HLF: variants seen among roughly 807,000 people sequenced by gnomAD.
The protein encoded by HLF is hepatic leukemia factor.
A neutral mutation model predicts 22.6 loss-of-function variants in HLF; 3 were observed. That is an observed-to-expected ratio of 0.13 (90% CI 0.06 to 0.34). HLF has a LOEUF of 0.34. Ranked by LOEUF, HLF falls within the 10% of genes least tolerant of loss-of-function variation. The pLI is 1.00. For missense variants in HLF, 299 were observed against 389.2 expected, an observed-to-expected ratio of 0.77 and a Z score of 1.95; for synonymous variants, 151 against 151.8, an observed-to-expected ratio of 0.99 and a Z score of 0.04.
chr17:55,288,826 T>A, intron 2 of HLF: 2 of 518,686 alleles, frequency 3.9e-6, no homozygotes, highest in Non-Finnish European at 5.0e-6. Context: ...AGGATTTAGA[T>A]GCTTACAAAT....
chr17:55,294,303 T>C (rs542342531), intron 2 of HLF, among the ~76,000 whole-genome samples: 3 of 152,228 alleles, frequency 2.0e-5, no homozygotes, highest in Non-Finnish European at 4.4e-5. Flanking sequence ...GATTTTCTCC[T>C]TCGACCATGG....
chr17:55,320,755 T>G lies in HLF; in HGVS notation c.764T>G (p.Ile255Ser), dbSNP rs1905237317. ...ARRLKENQIA[I>S]RASFLEKENS... ...AGGCTGAAAGAGAACCAGATCGCCA[T>G]CCGGGCCTCGTTCCTGGAGAAGGAG... Residue 255 changes from isoleucine to serine, a missense_variant, in exon 4 of 4, where the codon ATC (isoleucine) becomes AGC (serine). Coordinates refer to ENST00000226067, the MANE Select transcript of HLF (RefSeq NM_002126.5). The surrounding 1 kb of genome is among the most constrained non-coding windows in gnomAD (Gnocchi z 4.2). 6.2e-7 allele frequency: 1 copy of G among 1,613,922 alleles called. No homozygotes were observed. The highest frequency in any genetic ancestry group is 1.3e-5 in the African/African-American group (1 of 74,942).
At position 55,324,815 on chromosome 17, in the gene HLF, ATGTGTGTG is replaced by A. The variant is rs371358640; in HGVS notation, c.*3944_*3951del. 5.1e-6 allele frequency: 1 copy of A among 196,564 alleles called. No individual in the cohort carries two copies. The highest frequency in any genetic ancestry group is 6.3e-5 in the Admixed American group (1 of 15,942). The allele number at this position is 196,564 out of a possible 1,614,324, so 12.2% of individuals were successfully genotyped here. On this transcript the variant is annotated 3_prime_UTR_variant, in exon 4 of 4. Transcript: ENST00000226067. ...AGTGTGTGTGTGTGTGTGTGCGTGC[ATGTGTGTG>A]TGTGTGTATGTGTGTGAATAAGTCG...
intron 2 of HLF, among the ~76,000 whole-genome samples, chr17:55,305,840 G>T (rs1026759875): frequency 6.6e-6 from 1 of 152,310 alleles, no homozygotes; most frequent in Admixed American, 6.5e-5. Flanking sequence ...TGGGGCATTC[G>T]CATGAAAAAG....
intron 2 of HLF, among the ~76,000 whole-genome samples, chr17:55,270,205 C>T (rs2080839319): frequency 6.6e-6 from 1 of 152,200 alleles, no homozygotes; most frequent in African/African-American, 2.4e-5. Flanking sequence ...TCAAAGGGAA[C>T]ACTGAGGGTC....
chr17:55,305,834 G>A (rs1191247484), intron 2 of HLF, among the ~76,000 whole-genome samples: 4 of 152,186 alleles, frequency 2.6e-5, no homozygotes, highest in South Asian at 4.1e-4. Flanking sequence ...CATTCCTGGG[G>A]CATTCGCATG....
At chr17:55,319,587 G>A (rs1194223879) in intron 3 of HLF, among the ~76,000 whole-genome samples, 1 of 152,138 alleles carries the variant, frequency 6.6e-6, no homozygotes, top group African/African-American at 2.4e-5. Flanking sequence ...AGGAGGGATT[G>A]TTTTTACACT....
Position 55,320,241 on chromosome 17 carries a change from C to T in HLF, c.673-423C>T, listed in dbSNP as rs1329041651. ...CATTTAAATAGTTGATAGATATTGC[C>T]AAATTGCCTTCTAAAATTTTTGTAC... is the stretch of plus-strand genomic sequence containing the variant. On this transcript the variant is annotated intron_variant, in intron 3 of 3. Transcript: ENST00000226067. This position sits in a 1 kb window ranked among gnomAD's most constrained non-coding sequence, Gnocchi z 4.2. Among the ~76,000 whole-genome samples, 3 of 152,116 alleles carry T rather than the reference C, an allele frequency of 2.0e-5. No individual in the cohort carries two copies. The highest frequency in any genetic ancestry group is 4.4e-5 in the Non-Finnish European group (3 of 68,018).
chr17:55,292,549 AC>A (rs1409343085), intron 2 of HLF, among the ~76,000 whole-genome samples: 5 of 152,070 alleles, frequency 3.3e-5, no homozygotes, highest in African/African-American at 1.2e-4. Context: ...GCACTGGGAA[AC>A]CAAAAAAAAA....
At position 55,265,171 on chromosome 17, in the gene HLF, C is replaced by A. The variant is rs1301567056; in HGVS notation, c.-314C>A. On this transcript the variant is annotated 5_prime_UTR_variant, in exon 1 of 4. Transcript: ENST00000226067. ...GACATTTTTTTTTCTTTCTTTTTTT[C>A]AATTTTGAACATTTTGCAAAACGAG... The A allele has an allele frequency of 8.3e-6, 2 of 241,938 alleles. No individual in the cohort carries two copies. The highest frequency in any genetic ancestry group is 1.6e-5 in the Non-Finnish European group (2 of 125,804). The allele number at this position is 241,938 out of a possible 1,614,324, so 15.0% of individuals were successfully genotyped here.
chr17:55,292,622 A>G (rs917583937), intron 2 of HLF, among the ~76,000 whole-genome samples: 1 of 152,206 alleles, frequency 6.6e-6, no homozygotes, highest in Non-Finnish European at 1.5e-5. Flanking sequence ...CCGGTCCTGC[A>G]ATATCTGTGA....
At chr17:55,287,033 A>G (rs1415214359) in intron 2 of HLF, among the ~76,000 whole-genome samples, 2 of 152,308 alleles carry the variant, frequency 1.3e-5, no homozygotes, top group African/African-American at 4.8e-5. Context: ...TTTAAAAATA[A>G]TGCCAAGTTC....
At position 55,320,130 on chromosome 17, in the gene HLF, A is replaced by G. The variant is rs1905215233; in HGVS notation, c.673-534A>G. Among the ~76,000 whole-genome samples, 1 of 152,212 alleles carries G rather than the reference A, an allele frequency of 6.6e-6. No homozygotes were observed. Among genetic ancestry groups the G allele is most frequent in the Non-Finnish European group, 1.5e-5 (1 of 68,040 alleles). On this transcript the variant is annotated intron_variant, in intron 3 of 3. Transcript: ENST00000226067. This position sits in a 1 kb window ranked among gnomAD's most constrained non-coding sequence, Gnocchi z 4.2. Reference sequence around the variant, plus strand: ...TACTGCACATAATGCTGCAGTGAACAGTTTATGCTTGTGTGTACATGCACA... The same window carrying G: ...TACTGCACATAATGCTGCAGTGAACGGTTTATGCTTGTGTGTACATGCACA...
At chr17:55,283,468 C>T (rs894097266) in intron 2 of HLF, 1 of 152,242 alleles carries the variant, frequency 6.6e-6, no homozygotes, top group Non-Finnish European at 1.5e-5. Flanking sequence ...TTGGAAGATC[C>T]TTTAGTAGTT....
At chr17:55,307,123 G>A (rs1365607721) in intron 2 of HLF, among the ~76,000 whole-genome samples, 1 of 144,078 alleles carries the variant, frequency 6.9e-6, no homozygotes, top group Admixed American at 6.9e-5. Flanking sequence ...TTTCAAGGGG[G>A]TTGAATGGTC....
intron 2 of HLF, among the ~76,000 whole-genome samples, chr17:55,302,756 A>G (rs935892206): frequency 1.3e-5 from 2 of 152,186 alleles, no homozygotes; most frequent in Admixed American, 1.3e-4. Context: ...CAACTCAGAC[A>G]ATTAAAAAGA....
chr17:55,304,690 T>C (rs1219246124), intron 2 of HLF, among the ~76,000 whole-genome samples: 1 of 152,134 alleles, frequency 6.6e-6, no homozygotes, highest in Admixed American at 6.5e-5. Context: ...AGGCTTTGCT[T>C]GGGCTGTAGC....
At position 55,321,540 on chromosome 17, in the gene HLF, C is replaced by T. The variant is rs1905262730; in HGVS notation, c.*661C>T. On this transcript the variant is annotated 3_prime_UTR_variant, in exon 4 of 4. Transcript: ENST00000226067. The stretch of plus-strand genomic sequence containing the variant: ...AAGTTTCCTTTTAATTCTACCAACC[C>T]CAGATAAGTAAGAGTACTATTAATA... 1 of 228,608 alleles carries T rather than the reference C, an allele frequency of 4.4e-6. No homozygotes were observed. The highest frequency in any genetic ancestry group is 1.8e-4 in the South Asian group (1 of 5,488). The allele number at this position is 228,608 out of a possible 1,614,324, so 14.2% of individuals were successfully genotyped here.
rs573543180 is a variant in HLF at position 55,321,850 on chromosome 17, C to T, written c.*971C>T. 49 of 232,148 alleles carry T rather than the reference C, an allele frequency of 2.1e-4. No homozygotes were observed. The highest frequency in any genetic ancestry group is 3.3e-4 in the Non-Finnish European group (39 of 116,864). 14.4% of individuals were successfully genotyped at this position (232,148 alleles called of 1,614,324 possible). On this transcript the variant is annotated 3_prime_UTR_variant, in exon 4 of 4. Coordinates refer to ENST00000226067, the MANE Select transcript of HLF (RefSeq NM_002126.5). ...GATTAGCCTTTGACATTGATGTGTTCGGTTTTGTTGTTCCCCTTCCCTCAC... is the reference window on the plus strand; with the variant it reads ...GATTAGCCTTTGACATTGATGTGTTTGGTTTTGTTGTTCCCCTTCCCTCAC...
Sources: allele counts gnomAD v4.1 joint callset (sites outside exome capture counted in the v4.1 genomes callset), GRCh38; gene constraint gnomAD v4.1.1; non-coding constraint Gnocchi (gnomAD v3.1); transcripts MANE v1.5; gene names NCBI Gene and HGNC (gene_info 2026-07-23, HGNC 2026-07-21).